The following LRP2 variants were observed in gnomAD, a reference collection of about 807,000 sequenced individuals.
The protein encoded by LRP2 is low-density lipoprotein receptor-related protein 2.
A neutral mutation model predicts 531.0 loss-of-function variants in LRP2; 172 were observed. The observed-to-expected ratio is 0.32, with a 90% CI of 0.29 to 0.37. The LOEUF is 0.37. Ranked by LOEUF, LRP2 falls within the 10% of genes least tolerant of loss-of-function variation. LRP2 has a pLI of 1.00. For synonymous variants in LRP2, 1,992 were observed against 2,027.6 expected (o/e 0.98, Z 0.47); for missense variants, 5,167 against 5,868.3 (o/e 0.88, Z 3.90).
intron 3 of LRP2, among the ~76,000 whole-genome samples, chr2:169,312,526 T>C (rs1158268829): frequency 8.5e-5 from 13 of 152,202 alleles, no homozygotes; most frequent in Admixed American, 2.0e-4. Flanking sequence ...TGTTGAATAT[T>C]GGCCCCCCCT....
intron 1 of LRP2, among the ~76,000 whole-genome samples, chr2:169,325,561 T>C (rs1288112502): frequency 6.6e-6 from 1 of 152,206 alleles, no homozygotes; most frequent in Non-Finnish European, 1.5e-5. Context: ...CTTTTGAAGA[T>C]TTAGAGTCAC....
At chr2:169,157,312 G>A (rs1211600174) in intron 64 of LRP2, 59 bp downstream of exon 64, 14 of 1,531,340 alleles carry the variant, frequency 9.1e-6, no homozygotes, top group Non-Finnish European at 1.2e-5. Flanking sequence ...AAGGGGAGTG[G>A]GTGGAGAACC....
At chr2:169,223,730 T>C in intron 33 of LRP2, among the ~76,000 whole-genome samples, 1 of 151,814 alleles carries the variant, frequency 6.6e-6, no homozygotes, top group East Asian at 1.9e-4. Flanking sequence ...AAAATAAAAA[T>C]AAAAAAAAGA....
chr2:169,178,715 G>A (rs1013972078), intron 52 of LRP2, among the ~76,000 whole-genome samples: 1 of 152,034 alleles, frequency 6.6e-6, no homozygotes, highest in Admixed American at 6.6e-5. Flanking sequence ...CAGTTCCAAG[G>A]GCTTTCATTA....
At chr2:169,202,019 A>T in intron 43 of LRP2, 149 bp from the exon 44 acceptor site, 6 of 951,996 alleles carry the variant, frequency 6.3e-6, no homozygotes, top group Non-Finnish European at 9.5e-6. Flanking sequence ...AAGTGAGATA[A>T]CACTTTTAAT....
chr2:169,276,326 T>C (rs1384766930), intron 13 of LRP2, among the ~76,000 whole-genome samples: 1 of 152,208 alleles, frequency 6.6e-6, no homozygotes, highest in Admixed American at 6.6e-5. Context: ...TTGATGTTTC[T>C]TCACAGCCAG....
intron 50 of LRP2, among the ~76,000 whole-genome samples, chr2:169,184,839 C>T (rs1687573916): frequency 6.6e-6 from 1 of 152,106 alleles, no homozygotes; most frequent in Non-Finnish European, 1.5e-5. Context: ...TCAGTCCCTG[C>T]AACCTGCATC....
In LRP2 at chr2:169,170,607, C is replaced by T. The variant is rs779480228; in HGVS notation, c.11324G>A (p.Arg3775Gln). Residue 3775 changes from arginine to glutamine, a missense_variant, in exon 59 of 79, where the codon CGA becomes CAA. This residue lies in a region of LRP2 where 564 missense variants were observed against 747.7 expected (regional missense o/e 0.75). Transcript: ENST00000649046. Reference protein sequence around the residue: ...RCVNQQCIPSRWICDHYNDCG... With the variant: ...RCVNQQCIPSQWICDHYNDCG... ...GTCGTTGTAATGGTCACAGATCCAT[C>T]GCGAGGGAATGCACTGCTGATTGAC... 12 of 1,614,004 alleles carry T rather than the reference C, an allele frequency of 7.4e-6. No homozygotes were observed. The highest frequency in any genetic ancestry group is 2.7e-5 in the African/African-American group (2 of 74,914).
rs948407563 is a variant in LRP2, at chr2:169,128,207, T to C, written c.*456A>G. 5.5e-6 allele frequency: 1 copy of C among 180,504 alleles called. No homozygotes were observed. The highest frequency in any genetic ancestry group is 1.6e-4 in the East Asian group (1 of 6,352). 11.2% of individuals were successfully genotyped at this position (180,504 alleles called of 1,614,324 possible). On this transcript the variant is annotated 3_prime_UTR_variant, in exon 79 of 79. Transcript: ENST00000649046. ...TTAATTAAGTGCTAATGTGTAAAAA[T>C]GGACCCAAGAGCGGGGCCTGGATTC...
Position 169,247,507 on chromosome 2 carries a change from A to G in LRP2, c.2779T>C (p.Phe927Leu). The G allele has an allele frequency of 6.2e-7, 1 of 1,614,186 alleles. No individual in the cohort carries two copies. Among genetic ancestry groups the G allele is most frequent in the East Asian group, 2.2e-5 (1 of 44,876 alleles). Residue 927 changes from phenylalanine (F) to leucine (L), a missense_variant, in exon 20 of 79, where the codon TTT becomes CTT. Phe to Leu is a conservative substitution (Grantham distance 22). Transcript: ENST00000649046. ...FGLAIFGEHL[F>L]FTDWRLGAII... is the part of the protein sequence containing the mutation. ...GCACCCAGTCTCCAGTCAGTAAAAA[A>G]TAAATGCTCTGAAAAGAAACATGGG...
intron 50 of LRP2, chr2:169,182,576 G>A (rs1189238622): frequency 2.8e-5 from 37 of 1,342,468 alleles, no homozygotes; most frequent in South Asian, 3.0e-5. Context: ...CACTTCATTC[G>A]ACGGGTCTGG....
At position 169,259,345 on chromosome 2, in the gene LRP2, TAA is replaced by T. The variant is rs58193729; in HGVS notation, c.2321-130_2321-129del. The T allele has an allele frequency of 0.34, 139,572 of 414,260 alleles. 10,455 individuals are homozygous for T. The highest frequency in any genetic ancestry group is 0.43 in the East Asian group (9,726 of 22,764). The allele number at this position is 414,260 out of a possible 1,614,324, so 25.7% of individuals were successfully genotyped here. A position where few individuals can be genotyped will look rare whatever the true frequency, so the allele number is the denominator to read the frequency against. ...TTTCAGGAACACATGTGGAATTCTT[TAA>T]AAAAAAAAAAAAAAAAAAACTCTGT... On this transcript the variant is annotated intron_variant, in intron 16 of 78. Coordinates refer to ENST00000649046, the MANE Select transcript of LRP2 (RefSeq NM_004525.3).
In LRP2 at chr2:169,292,248, C is replaced by T; in HGVS notation, c.769+5G>A. On this transcript the variant is annotated splice_donor_5th_base_variant and intron_variant, in intron 7 of 78. Transcript: ENST00000649046. ...TTTTCAGTAGGAATCTCTTCCCCTC[C>T]TTACCACATCCATCTTCATCTCCAT... The T allele has an allele frequency of 6.3e-7, 1 of 1,590,694 alleles. No individual in the cohort carries two copies. The highest frequency in any genetic ancestry group is 8.6e-7 in the Non-Finnish European group (1 of 1,158,618).
intron 3 of LRP2, among the ~76,000 whole-genome samples, chr2:169,312,614 T>TAA (rs747930502): frequency 4.6e-5 from 7 of 152,190 alleles, no homozygotes; most frequent in Non-Finnish European, 7.3e-5. Context: ...AACCCGACCT[T>TAA]TCTCTCTGGC....
At chr2:169,321,882 T>C (rs1308401395) in intron 1 of LRP2, among the ~76,000 whole-genome samples, 2 of 152,156 alleles carry the variant, frequency 1.3e-5, no homozygotes, top group East Asian at 3.9e-4. Flanking sequence ...ACTGAACTAA[T>C]ATATCCTGTG....
intron 9 of LRP2, among the ~76,000 whole-genome samples, chr2:169,283,641 G>C (rs547411478): frequency 6.6e-6 from 1 of 152,266 alleles, no homozygotes; most frequent in African/African-American, 2.4e-5. Flanking sequence ...TTACCCAGCT[G>C]TCTTTCCTCT....
intron 1 of LRP2, among the ~76,000 whole-genome samples, chr2:169,338,447 G>GAAAA (rs1685481072): frequency 6.8e-6 from 1 of 147,760 alleles, no homozygotes; most frequent in Non-Finnish European, 1.5e-5. Context: ...GACGGAGGGA[G>GAAAA]GAAAGGAAGG....
At chr2:169,135,397 C>T (rs1685464782) in intron 76 of LRP2, among the ~76,000 whole-genome samples, 1 of 152,176 alleles carries the variant, frequency 6.6e-6, no homozygotes, top group African/African-American at 2.4e-5. Flanking sequence ...AGAGGCCTTT[C>T]CCACAGGGTC....
At chr2:169,337,517 T>C (rs1685438677) in intron 1 of LRP2, among the ~76,000 whole-genome samples, 1 of 150,176 alleles carries the variant, frequency 6.7e-6, no homozygotes, top group East Asian at 1.9e-4. Flanking sequence ...ATCAGTGCAA[T>C]GTATTTTAGA....
Sources: allele counts gnomAD v4.1 joint callset (sites outside exome capture counted in the v4.1 genomes callset), GRCh38; gene constraint gnomAD v4.1.1; regional missense constraint gnomAD v4.1.1; transcripts MANE v1.5; gene names NCBI Gene and HGNC (gene_info 2026-07-23, HGNC 2026-07-21).